The following CLOCK variants were observed in gnomAD, a reference collection of about 807,000 sequenced individuals.
The protein encoded by CLOCK is circadian locomoter output cycles protein kaput.
CLOCK carries 43 observed loss-of-function variants against 118.4 expected under a neutral mutation model. The observed-to-expected ratio is 0.36, with a 90% confidence interval of 0.28 to 0.47. CLOCK has a LOEUF of 0.47. CLOCK is among the 20% of genes least tolerant of loss of function. The probability of loss-of-function intolerance (pLI) is 1.00; values close to 1 mark genes in which losing one functional copy is unlikely to be tolerated. For missense variants in CLOCK, 846 were observed against 999.9 expected (o/e 0.85, Z 2.08); for synonymous variants, 326 against 339.2 (o/e 0.96, Z 0.43).
rs1435946381 is a variant in CLOCK, at chr4:55,434,575, T to C, written c.*840A>G. 6.9e-6 allele frequency: 1 copy of C among 144,472 alleles called. No individual in the cohort carries two copies. Among genetic ancestry groups the C allele is most frequent in the African/African-American group, 2.5e-5 (1 of 40,658 alleles). 8.9% of individuals were successfully genotyped at this position (144,472 alleles called of 1,614,324 possible). A position where few individuals can be genotyped will look rare whatever the true frequency, so the allele number is the denominator to read the frequency against. ...TCTGAATAACTTGAAAATCCTGTTG[T>C]ATCAATAATTTAACCTGAAAAAAAA... On this transcript the variant is annotated 3_prime_UTR_variant, in exon 23 of 23. Transcript: ENST00000513440.
intron 2 of CLOCK, among the ~76,000 whole-genome samples, chr4:55,495,137 A>T (rs1390148181): frequency 6.6e-6 from 1 of 151,690 alleles, no homozygotes; most frequent in East Asian, 1.9e-4. Context: ...AATGCCCAAG[A>T]CTCCCAAGTC....
chr4:55,494,177 C>T (rs115263419), intron 2 of CLOCK, among the ~76,000 whole-genome samples: 2,366 of 152,164 alleles, frequency 0.016, 42 homozygotes, highest in South Asian at 0.025. Context: ...GCACAAGCCT[C>T]AGAATGAATT....
At chr4:55,488,308 T>C (rs998392692) in intron 3 of CLOCK, among the ~76,000 whole-genome samples, 3 of 152,194 alleles carry the variant, frequency 2.0e-5, no homozygotes, top group African/African-American at 7.2e-5. Context: ...ATACACTTCC[T>C]AGATAAATCA....
At chr4:55,511,551 A>C (rs1298268559) in intron 1 of CLOCK, among the ~76,000 whole-genome samples, 3 of 152,210 alleles carry the variant, frequency 2.0e-5, no homozygotes, top group Non-Finnish European at 4.4e-5. Flanking sequence ...ATTAATGCAC[A>C]GCCTTCCCCA....
Position 55,480,271 on chromosome 4 carries a change from C to A in CLOCK, c.48-572G>T, listed in dbSNP as rs540311217. On this transcript the variant is annotated intron_variant, in intron 4 of 22. Transcript: ENST00000513440. ...TTTCCTACAGTTTTTCCTTCTTTTT[C>A]CTTTTTTTCTGGAGACAGGGTCTTA... 1.9e-3 allele frequency among the ~76,000 whole-genome samples: 287 copies of A among 152,194 alleles called. 1 individual carries two copies. Among genetic ancestry groups the A allele is most frequent in the African/African-American group, 6.7e-3 (278 of 41,538 alleles).
chr4:55,539,667 T>G (rs958686632), intron 1 of CLOCK, among the ~76,000 whole-genome samples: 4 of 147,766 alleles, frequency 2.7e-5, no homozygotes, highest in African/African-American at 1.0e-4. Context: ...TAGGCCAGTA[T>G]CAAAATGCAT....
intron 2 of CLOCK, among the ~76,000 whole-genome samples, chr4:55,494,863 G>A (rs551060809): frequency 1.3e-5 from 2 of 152,264 alleles, no homozygotes; most frequent in South Asian, 2.1e-4. Flanking sequence ...AATGCAGCCC[G>A]CTGACACCTT....
In CLOCK at chr4:55,430,824, CTT is replaced by C. The variant is rs1201737807; in HGVS notation, c.*4589_*4590del. On this transcript the variant is annotated 3_prime_UTR_variant, in exon 23 of 23. Coordinates refer to ENST00000513440, the MANE Select transcript of CLOCK (RefSeq NM_004898.4). The stretch of plus-strand genomic sequence containing the variant: ...GAAAAATAAACAGGCTCATTGGTCT[CTT>C]TTGGTGTCCACACAATAGGCAAGAT... 6.6e-6 allele frequency: 1 copy of C among 152,166 alleles called. No homozygotes were observed. Among genetic ancestry groups the C allele is most frequent in the Non-Finnish European group, 1.5e-5 (1 of 68,016 alleles). 9.4% of individuals were successfully genotyped at this position (152,166 alleles called of 1,614,324 possible).
intron 9 of CLOCK, among the ~76,000 whole-genome samples, chr4:55,462,983 A>G (rs1725471601): frequency 6.6e-6 from 1 of 152,212 alleles, no homozygotes; most frequent in Non-Finnish European, 1.5e-5. Flanking sequence ...AAAGGTGATT[A>G]AACAAGGTAT....
rs1433589993 is a variant in CLOCK, at chr4:55,429,900, T to TA, written c.*5514dup. 6.6e-6 allele frequency: 1 copy of TA among 152,304 alleles called. No homozygotes were observed. Among genetic ancestry groups the TA allele is most frequent in the East Asian group, 1.9e-4 (1 of 5,188 alleles). 9.4% of individuals were successfully genotyped at this position (152,304 alleles called of 1,614,324 possible). ...TGGCCCCTCCACTGCCGTCCTGAAG[T>TA]AAAGTAGATTCAGACTGTCCGTAAA... On this transcript the variant is annotated 3_prime_UTR_variant, in exon 23 of 23. Transcript: ENST00000513440.
chr4:55,508,130 C>T (rs1728924644), intron 2 of CLOCK, among the ~76,000 whole-genome samples: 2 of 152,158 alleles, frequency 1.3e-5, no homozygotes, highest in Non-Finnish European at 1.5e-5. Context: ...TAACCATATC[C>T]TTTAGGCCTA....
chr4:55,544,498 A>G (rs1480844374), intron 1 of CLOCK, among the ~76,000 whole-genome samples: 1 of 152,246 alleles, frequency 6.6e-6, no homozygotes, highest in Non-Finnish European at 1.5e-5. Context: ...ATAACTAAAC[A>G]TCTTTAAAAG....
intron 3 of CLOCK, among the ~76,000 whole-genome samples, chr4:55,488,896 C>T (rs1434938921): frequency 6.6e-6 from 1 of 152,104 alleles, no homozygotes; most frequent in Non-Finnish European, 1.5e-5. Flanking sequence ...TCATGCCCAG[C>T]TAATTTCTAA....
chr4:55,469,734 G>T (rs1325195634), intron 8 of CLOCK, among the ~76,000 whole-genome samples: 1 of 152,016 alleles, frequency 6.6e-6, no homozygotes, highest in African/African-American at 2.4e-5. Flanking sequence ...CTGAGGCAGG[G>T]TCTTGCTCTG....
chr4:55,510,645 A>C (rs1355113420), intron 1 of CLOCK, among the ~76,000 whole-genome samples: 2 of 151,240 alleles, frequency 1.3e-5, no homozygotes, highest in African/African-American at 4.9e-5. Context: ...AAAAAAAAAA[A>C]AAAAAAAAGG....
intron 13 of CLOCK, among the ~76,000 whole-genome samples, chr4:55,455,690 A>C (rs1724871442): frequency 1.3e-5 from 2 of 152,228 alleles, no homozygotes; most frequent in African/African-American, 4.8e-5. Flanking sequence ...CAATATTATA[A>C]AATTCTACTT....
intron 7 of CLOCK, among the ~76,000 whole-genome samples, chr4:55,475,466 C>T (rs1726444882): frequency 6.6e-6 from 1 of 152,182 alleles, no homozygotes; most frequent in South Asian, 2.1e-4. Flanking sequence ...AGAGTACTGA[C>T]TGTAATTTTG....
At chr4:55,544,517 CTG>C (rs1731482905) in intron 1 of CLOCK, among the ~76,000 whole-genome samples, 2 of 152,148 alleles carry the variant, frequency 1.3e-5, no homozygotes, top group African/African-American at 4.8e-5. Flanking sequence ...AGATAAATGC[CTG>C]TGACCTCTGC....
intron 15 of CLOCK, among the ~76,000 whole-genome samples, chr4:55,451,955 A>C (rs4864994): frequency 0.34 from 51,396 of 151,998 alleles, 9,391 homozygotes; most frequent in East Asian, 0.58. Context: ...AATGACATCT[A>C]CCATATTGTC....
Sources: gnomAD v4.1 joint callset for allele counts (sites outside exome capture counted in the v4.1 genomes callset) on GRCh38, gnomAD v4.1.1 for gene constraint, MANE v1.5 for transcripts, NCBI Gene and HGNC (gene_info 2026-07-23, HGNC 2026-07-21) for gene names.